The following FMN1 variants were observed in gnomAD, a reference collection of about 807,000 sequenced individuals.
The protein encoded by FMN1 is formin 1.
In FMN1, 110 loss-of-function variants were observed where a neutral mutation model predicts 132.4. The observed-to-expected ratio is 0.83, with a 90% CI of 0.71 to 0.97. The LOEUF (loss-of-function observed/expected upper bound fraction) is 0.97, where lower values mean the gene tolerates loss of function less well. Among genes scored for constraint, FMN1 ranks in the 50% least tolerant of loss-of-function variants. The probability of loss-of-function intolerance (pLI) is 0.00; values close to 1 mark genes in which losing one functional copy is unlikely to be tolerated. For missense variants in FMN1, 1,792 were observed against 1,705.3 expected, an observed-to-expected ratio of 1.05 and a Z score of -0.90; for synonymous variants, 722 against 651.7, an observed-to-expected ratio of 1.11 and a Z score of -1.64.
chr15:33,110,138 A>T (rs2039643119), intron 4 of FMN1, among the ~76,000 whole-genome samples: 1 of 152,088 alleles, frequency 6.6e-6, no homozygotes, highest in Non-Finnish European at 1.5e-5. Context: ...TTCTCCTAGG[A>T]ATCTACCATA....
intron 6 of FMN1, chr15:33,013,105 G>A (rs1596469119): frequency 4.9e-6 from 2 of 411,388 alleles, no homozygotes; most frequent in Non-Finnish European, 9.5e-6. Flanking sequence ...GGAGAGTAGA[G>A]CCAGAGAAGT....
At chr15:33,142,022 C>G (rs761672227) in intron 4 of FMN1, among the ~76,000 whole-genome samples, 3 of 152,176 alleles carry the variant, frequency 2.0e-5, no homozygotes, top group Non-Finnish European at 4.4e-5. Flanking sequence ...TAGTATAACT[C>G]TTTTCCCCAT....
At chr15:32,904,674 T>C (rs140347261) in intron 12 of FMN1, among the ~76,000 whole-genome samples, 2 of 152,300 alleles carry the variant, frequency 1.3e-5, no homozygotes, top group African/African-American at 4.8e-5. Context: ...GCGTGGATAT[T>C]GGGTATAGCG....
intron 12 of FMN1, among the ~76,000 whole-genome samples, chr15:32,906,002 A>G (rs1156571370): frequency 6.6e-6 from 1 of 152,178 alleles, no homozygotes; most frequent in Non-Finnish European, 1.5e-5. Context: ...AAGCCATTAC[A>G]ATGACCATTT....
At chr15:32,959,585 C>G (rs375584515) in intron 9 of FMN1, among the ~76,000 whole-genome samples, 1 of 152,136 alleles carries the variant, frequency 6.6e-6, no homozygotes, top group Non-Finnish European at 1.5e-5. Context: ...CACAAGTGCA[C>G]GGATTCCATG....
intron 5 of FMN1, among the ~76,000 whole-genome samples, chr15:33,076,122 G>C (rs534636670): frequency 6.6e-6 from 1 of 152,302 alleles, no homozygotes; most frequent in East Asian, 1.9e-4. Flanking sequence ...AGGGGGATGA[G>C]GGTTGGTGGG....
At chr15:32,905,483 C>G (rs1316184533) in intron 12 of FMN1, among the ~76,000 whole-genome samples, 4 of 152,170 alleles carry the variant, frequency 2.6e-5, no homozygotes, top group Non-Finnish European at 5.9e-5. Flanking sequence ...CAGGCCTAAT[C>G]AAACCCAGTA....
rs977469262 is a variant in FMN1, at chr15:32,987,663, T to C, written c.2224-18186A>G. 7.2e-5 allele frequency among the ~76,000 whole-genome samples: 11 copies of C among 152,164 alleles called. No individual in the cohort carries two copies. The East Asian group carries it at 2.1e-3, about 29-fold the overall frequency. Reference sequence around the variant, plus strand: ...AATACACCCCCTTCTCAACTGCAGTTGCCAAGTATAAAAACAAATGCCTAC... The same window carrying C: ...AATACACCCCCTTCTCAACTGCAGTCGCCAAGTATAAAAACAAATGCCTAC... On this transcript the variant is annotated intron_variant, in intron 7 of 20. Coordinates refer to ENST00000616417, the MANE Select transcript of FMN1 (RefSeq NM_001277313.2).
At chr15:32,837,096 G>A in intron 17 of FMN1, 2 of 227,544 alleles carry the variant, frequency 8.8e-6, no homozygotes, top group Non-Finnish European at 2.0e-5. Context: ...CCAGGAGGAA[G>A]GCTTGATTAG....
At chr15:32,995,953 A>T (rs343917) in intron 7 of FMN1, among the ~76,000 whole-genome samples, 83,976 of 152,124 alleles carry the variant, frequency 0.55, 25,232 homozygotes, top group East Asian at 0.78. Context: ...AGAATTAGAT[A>T]TAACAGTAAA....
At chr15:33,094,700 G>A (rs2039015747) in intron 4 of FMN1, among the ~76,000 whole-genome samples, 1 of 152,144 alleles carries the variant, frequency 6.6e-6, no homozygotes, top group Non-Finnish European at 1.5e-5. Flanking sequence ...AGCATTTTAA[G>A]GAAGTATATA....
intron 7 of FMN1, among the ~76,000 whole-genome samples, chr15:33,007,217 A>G (rs2034467236): frequency 6.6e-6 from 1 of 152,196 alleles, no homozygotes; most frequent in Admixed American, 6.5e-5. Context: ...AATTTTTAGA[A>G]AAGAAATGTC....
chr15:32,879,952 CCCA>C (rs1443309515), intron 16 of FMN1, among the ~76,000 whole-genome samples: 1 of 152,094 alleles, frequency 6.6e-6, no homozygotes, highest in Non-Finnish European at 1.5e-5. Flanking sequence ...CCATCTCCAC[CCCA>C]CCATTTCCTC....
In FMN1 at chr15:32,772,991, T is replaced by C. The variant is rs1233559491; in HGVS notation, c.*1319A>G. ...CCTCCACCAATTGGGGGGAGAAAGC[T>C]CGGCCTCTTCAAGGCCTAAAAATGA... On this transcript the variant is annotated 3_prime_UTR_variant, in exon 21 of 21. Coordinates refer to ENST00000616417, the MANE Select transcript of FMN1 (RefSeq NM_001277313.2). 1.3e-5 allele frequency: 2 copies of C among 152,248 alleles called. No homozygotes were observed. Among genetic ancestry groups the C allele is most frequent in the Non-Finnish European group, 2.9e-5 (2 of 68,070 alleles). The allele number at this position is 152,248 out of a possible 1,614,324, so 9.4% of individuals were successfully genotyped here.
chr15:32,985,182 A>G (rs1057496476), intron 7 of FMN1, among the ~76,000 whole-genome samples: 1 of 152,112 alleles, frequency 6.6e-6, no homozygotes, highest in African/African-American at 2.4e-5. Flanking sequence ...AAAAATGCTC[A>G]CATAGATAAC....
intron 16 of FMN1, among the ~76,000 whole-genome samples, chr15:32,869,214 A>T (rs2059459954): frequency 6.6e-6 from 1 of 152,190 alleles, no homozygotes; most frequent in South Asian, 2.1e-4. Context: ...GGTGTTCTGC[A>T]TTCAGATTTT....
chr15:32,783,927 G>A (rs11635021), intron 19 of FMN1, among the ~76,000 whole-genome samples: 1 of 152,108 alleles, frequency 6.6e-6, no homozygotes, highest in Non-Finnish European at 1.5e-5. Flanking sequence ...TCAATTTTCA[G>A]AATCTAGCCA....
intron 7 of FMN1, among the ~76,000 whole-genome samples, chr15:32,985,996 T>G (rs1555373681): frequency 1.3e-5 from 2 of 152,092 alleles, no homozygotes; most frequent in Non-Finnish European, 2.9e-5. Context: ...TATTTTTCAC[T>G]GAGAGACAAC....
intron 9 of FMN1, among the ~76,000 whole-genome samples, chr15:32,957,935 T>C (rs1481391473): frequency 6.6e-6 from 1 of 152,180 alleles, no homozygotes; most frequent in African/African-American, 2.4e-5. Context: ...ACTGCCATGT[T>C]TGTCGTGGCA....
Sources: allele counts gnomAD v4.1 joint callset (sites outside exome capture counted in the v4.1 genomes callset), GRCh38; gene constraint gnomAD v4.1.1; transcripts MANE v1.5; gene names NCBI Gene and HGNC (gene_info 2026-07-23, HGNC 2026-07-21).